Variants in TMTC2 observed in about 807,000 individuals in gnomAD.
TMTC2 encodes the protein protein O-mannosyl-transferase TMTC2.
Under a neutral mutation model 82.4 loss-of-function variants are expected in TMTC2, and 43 were observed. That is an observed-to-expected ratio of 0.52 (90% CI 0.41 to 0.67). The LOEUF (loss-of-function observed/expected upper bound fraction) is 0.67, where lower values mean the gene tolerates loss of function less well. Ranked by LOEUF, TMTC2 falls within the 30% of genes least tolerant of loss-of-function variation. TMTC2 has a pLI of 0.00. For missense variants in TMTC2, 919 were observed against 1,012.4 expected (o/e 0.91, Z 1.25); for synonymous variants, 408 against 381.9 (o/e 1.07, Z -0.80).
intron 1 of TMTC2, among the ~76,000 whole-genome samples, chr12:82,750,189 A>G (rs1316305700): frequency 1.3e-5 from 2 of 151,996 alleles, no homozygotes; most frequent in Non-Finnish European, 2.9e-5. Context: ...TATTTCATTC[A>G]AATTTTGAAG....
At chr12:82,735,439 A>G (rs187100518) in intron 1 of TMTC2, among the ~76,000 whole-genome samples, 1,693 of 150,278 alleles carry the variant, frequency 0.011, 9 homozygotes, top group South Asian at 0.031. Flanking sequence ...TCCGCCTCCC[A>G]GGTTCATGCC....
chr12:82,970,592 C>G (rs1394762935), intron 7 of TMTC2, among the ~76,000 whole-genome samples: 1 of 152,034 alleles, frequency 6.6e-6, no homozygotes, highest in Non-Finnish European at 1.5e-5. Context: ...CTCGGCCTCC[C>G]AAAGTGCTGG....
At chr12:83,100,094 AT>A (rs1310637810) in intron 11 of TMTC2, among the ~76,000 whole-genome samples, 1 of 151,624 alleles carries the variant, frequency 6.6e-6, no homozygotes, top group Non-Finnish European at 1.5e-5. Context: ...TAATTTTTGT[AT>A]TTTTAGTAAA....
At chr12:82,735,382 G>A (rs1196484958) in intron 1 of TMTC2, among the ~76,000 whole-genome samples, 1 of 146,452 alleles carries the variant, frequency 6.8e-6, no homozygotes, top group East Asian at 2.0e-4. Context: ...GTCTTACTCC[G>A]TCGCCCAGGC....
At position 82,853,052 on chromosome 12, in the gene TMTC2, A is replaced by G. The variant is rs146069522; in HGVS notation, c.84-3958A>G. On this transcript the variant is annotated intron_variant, in intron 1 of 11. Transcript: ENST00000321196. The stretch of plus-strand genomic sequence containing the variant: ...TTTGCTCCTTCATTTTTGTTTTATT[A>G]ACTATGTTTGTCTTTTTTTCCATGT... Among the ~76,000 whole-genome samples, 492 of 152,000 alleles carry G rather than the reference A, an allele frequency of 3.2e-3. 1 individual carries two copies. Among genetic ancestry groups the G allele is most frequent in the African/African-American group, 0.011 (469 of 41,500 alleles).
At chr12:82,965,861 C>A in intron 6 of TMTC2, 117 bp downstream of exon 6, 7 of 1,040,390 alleles carry the variant, frequency 6.7e-6, no homozygotes, top group Non-Finnish European at 1.0e-5. Context: ...TATGTATACA[C>A]GTTAAACTAT....
At chr12:82,872,554 G>A (rs543186597) in intron 2 of TMTC2, among the ~76,000 whole-genome samples, 68 of 152,152 alleles carry the variant, frequency 4.5e-4, no homozygotes, top group Non-Finnish European at 7.5e-4. Flanking sequence ...AATATTTCCC[G>A]CATTGCTTTA....
chr12:82,797,614 ATC>A (rs1362179260), intron 1 of TMTC2, among the ~76,000 whole-genome samples: 2 of 152,148 alleles, frequency 1.3e-5, no homozygotes, highest in Non-Finnish European at 2.9e-5. Flanking sequence ...AAATCTCAGT[ATC>A]TCTATTTTCT....
At chr12:82,972,205 G>A (rs1028863780) in intron 7 of TMTC2, among the ~76,000 whole-genome samples, 1 of 152,094 alleles carries the variant, frequency 6.6e-6, no homozygotes, top group African/African-American at 2.4e-5. Context: ...CAGGAGAAAT[G>A]TGTGATAATG....
At chr12:82,827,832 G>A (rs1047605432) in intron 1 of TMTC2, among the ~76,000 whole-genome samples, 10 of 151,628 alleles carry the variant, frequency 6.6e-5, no homozygotes, top group East Asian at 3.9e-4. Flanking sequence ...CAAGTTGTTC[G>A]GACTATGGAT....
rs190547943 is a variant in TMTC2 at position 83,042,789 on chromosome 12, G to A, written c.2153-8115G>A. On this transcript the variant is annotated intron_variant, in intron 9 of 11. Coordinates refer to ENST00000321196, the MANE Select transcript of TMTC2 (RefSeq NM_152588.3). ...GACCTCCTTTCCAGTTGAGCACAGGGCCCTGGCCTTCTGTTTCTCTAATCT... is the reference window on the plus strand; with the variant it reads ...GACCTCCTTTCCAGTTGAGCACAGGACCCTGGCCTTCTGTTTCTCTAATCT... Among the ~76,000 whole-genome samples, 60 of 152,198 alleles carry A rather than the reference G, an allele frequency of 3.9e-4. No individual in the cohort carries two copies. The East Asian group carries it at 7.9e-3, about 20-fold the overall frequency.
intron 1 of TMTC2, among the ~76,000 whole-genome samples, chr12:82,820,054 C>G (rs1868996539): frequency 6.6e-6 from 1 of 152,142 alleles, no homozygotes; most frequent in Non-Finnish European, 1.5e-5. Flanking sequence ...AGCTGAAGAA[C>G]TTGGAGTCCG....
At chr12:82,981,551 ATCT>A (rs2137329344) in intron 7 of TMTC2, among the ~76,000 whole-genome samples, 1 of 152,044 alleles carries the variant, frequency 6.6e-6, no homozygotes, top group African/African-American at 2.4e-5. Flanking sequence ...CGCACAGCAA[ATCT>A]TCTCATTCTT....
intron 3 of TMTC2, among the ~76,000 whole-genome samples, chr12:82,925,262 CTCCACTA>C (rs1875635086): frequency 6.6e-6 from 1 of 152,184 alleles, no homozygotes. Flanking sequence ...CCCACCCTCC[CTCCACTA>C]TCTCCAGCAT....
intron 1 of TMTC2, among the ~76,000 whole-genome samples, chr12:82,852,900 A>G (rs1042399614): frequency 2.6e-5 from 4 of 152,172 alleles, no homozygotes; most frequent in Non-Finnish European, 4.4e-5. Flanking sequence ...TTAGTCTTCC[A>G]TATTTTTTAT....
At chr12:82,989,349 A>G (rs893764869) in intron 8 of TMTC2, among the ~76,000 whole-genome samples, 6 of 152,120 alleles carry the variant, frequency 3.9e-5, no homozygotes, top group Non-Finnish European at 8.8e-5. Flanking sequence ...TGTTTCTGCT[A>G]TTTACAGATA....
At chr12:83,064,332 C>T (rs1202392161) in intron 11 of TMTC2, among the ~76,000 whole-genome samples, 1 of 151,874 alleles carries the variant, frequency 6.6e-6, no homozygotes, top group East Asian at 1.9e-4. Context: ...ATCTCCAACT[C>T]AAAGCCCTTT....
rs867914034 is a variant in TMTC2 at position 82,942,417 on chromosome 12, A to G, written c.1598+11872A>G. ...GGCTATGTAACTGACTTTTGTTCAT[A>G]GAAACATGTTGTTTAAATTTGTCTT... On this transcript the variant is annotated intron_variant, in intron 4 of 11. Transcript: ENST00000321196. Among the ~76,000 whole-genome samples the G allele has an allele frequency of 5.3e-5, 8 of 152,360 alleles. No individual in the cohort carries two copies. In the South Asian group the frequency reaches 1.2e-3, roughly 24 times the overall value.
Position 82,857,260 on chromosome 12 carries a change from G to A in TMTC2, c.334G>A (p.Asp112Asn), listed in dbSNP as rs180713789. Residue 112 changes from aspartate (D) to asparagine (N), a missense_variant, in exon 2 of 12, where the codon GAT becomes AAT. Physicochemically the swap from Asp to Asn is conservative, Grantham distance 23. Coordinates refer to ENST00000321196, the MANE Select transcript of TMTC2 (RefSeq NM_152588.3). Reference protein sequence around the residue: ...FTSFSKILLGDGYWTFMAGLM... With the variant: ...FTSFSKILLGNGYWTFMAGLM... ...AAGCTTCTCCAAGATCCTCCTTGGT[G>A]ATGGATACTGGACATTCATGGCTGG... 43 of 1,614,206 alleles carry A rather than the reference G, an allele frequency of 2.7e-5. No individual in the cohort carries two copies. The African/African-American group carries it at 3.9e-4, about 15-fold the overall frequency.
Sources: gnomAD v4.1 joint callset for allele counts (sites outside exome capture counted in the v4.1 genomes callset) on GRCh38, gnomAD v4.1.1 for gene constraint, MANE v1.5 for transcripts, NCBI Gene and HGNC (gene_info 2026-07-23, HGNC 2026-07-21) for gene names.